The following PIP5K1C variants were observed in gnomAD, a reference collection of about 807,000 sequenced individuals.
PIP5K1C encodes the protein phosphatidylinositol-4-phosphate 5-kinase type 1 gamma.
PIP5K1C carries 45 observed loss-of-function variants against 80.1 expected under a neutral mutation model. The ratio of observed to expected loss-of-function variants is 0.56; its 90% CI spans 0.44 to 0.72. PIP5K1C has a LOEUF of 0.72. Ranked by LOEUF, PIP5K1C falls within the 30% of genes least tolerant of loss-of-function variation. The pLI, the probability that PIP5K1C is intolerant of heterozygous loss-of-function variation, is 0.00. For synonymous variants in PIP5K1C, 498 were observed against 420.1 expected (o/e 1.19, Z -2.27); for missense variants, 753 against 954.6 (o/e 0.79, Z 2.78).
In PIP5K1C at chr19:3,638,902, G is replaced by T; in HGVS notation, c.1902C>A (p.Pro634=). Residue 634 remains proline, a synonymous_variant, in exon 16 of 18, where the codon CCC becomes CCA. Transcript: ENST00000335312. ...ASQASDEEDA[P]ATDIYFPTDE... Reference sequence around the variant, plus strand: ...CACTTACAAAGTAGATGTCGGTGGCGGGCGCGTCCTCCTCGTCCGAGGCCT... The same window carrying T: ...CACTTACAAAGTAGATGTCGGTGGCTGGCGCGTCCTCCTCGTCCGAGGCCT... The T allele has an allele frequency of 6.2e-7, 1 of 1,612,898 alleles. No individual in the cohort carries two copies. The highest frequency in any genetic ancestry group is 1.3e-5 in the African/African-American group (1 of 74,982).
chr19:3,688,157 C>T lies in PIP5K1C; in HGVS notation c.94+12140G>A, dbSNP rs993762359. ...GAGGCTCCCGCAGCCAGGGTCTGCGCGTGGTCCCCACCTCCTTGCGCGCTC... is the reference window on the plus strand; with the variant it reads ...GAGGCTCCCGCAGCCAGGGTCTGCGTGTGGTCCCCACCTCCTTGCGCGCTC... On this transcript the variant is annotated intron_variant, in intron 1 of 17. Coordinates refer to ENST00000335312, the MANE Select transcript of PIP5K1C (RefSeq NM_012398.3). This position sits in a 1 kb window ranked among gnomAD's most constrained non-coding sequence, Gnocchi z 5.3. Among the ~76,000 whole-genome samples, 2 of 152,222 alleles carry T rather than the reference C, an allele frequency of 1.3e-5. No individual in the cohort carries two copies. Among genetic ancestry groups the T allele is most frequent in the African/African-American group, 2.4e-5 (1 of 41,462 alleles).
intron 10 of PIP5K1C, among the ~76,000 whole-genome samples, chr19:3,646,486 T>C (rs372570057): frequency 1.3e-5 from 2 of 151,832 alleles, no homozygotes; most frequent in African/African-American, 4.8e-5. Context: ...GTACCAGGAC[T>C]GTGAACGACT....
intron 1 of PIP5K1C, among the ~76,000 whole-genome samples, chr19:3,684,153 TA>T (rs2035680297): frequency 6.6e-6 from 1 of 151,988 alleles, no homozygotes; most frequent in South Asian, 2.1e-4. Flanking sequence ...TTCCTCAAAA[TA>T]AAGACGGAAC....
At chr19:3,646,080 T>C in intron 10 of PIP5K1C, 22 bp from the exon 11 acceptor site, 1 of 994,320 alleles carries the variant, frequency 1.0e-6, no homozygotes, top group Non-Finnish European at 1.5e-6. Context: ...TTGGGGGGGG[T>C]GCCCGGGGGC....
chr19:3,683,977 TCCC>T (rs953094144), intron 1 of PIP5K1C, among the ~76,000 whole-genome samples: 1 of 64,904 alleles, frequency 1.5e-5, no homozygotes, highest in Non-Finnish European at 2.9e-5. Flanking sequence ...GTCCCACACC[TCCC>T]CCATGTTGGA....
Position 3,643,211 on chromosome 19 carries a change from CCGCCCACATGCACTGCGGATGCCT to C in PIP5K1C, c.1649+8_1649+31del, listed in dbSNP as rs1459239970. On this transcript the variant is annotated splice_region_variant and intron_variant, in intron 13 of 17. Transcript: ENST00000335312. Reference sequence around the variant, plus strand: ...CCCGCCCCCACGCACAGCGGATGCCCCGCCCACATGCACTGCGGATGCCTCGCCCACCTGTACCGCGGCTGCTCC... The same window carrying C: ...CCCGCCCCCACGCACAGCGGATGCCCCGCCCACCTGTACCGCGGCTGCTCC... The C allele has an allele frequency of 2.5e-6, 4 of 1,610,572 alleles. No individual in the cohort carries two copies. Among genetic ancestry groups the C allele is most frequent in the Non-Finnish European group, 3.4e-6 (4 of 1,179,488 alleles).
chr19:3,671,728 T>A (rs2035211387), intron 1 of PIP5K1C, among the ~76,000 whole-genome samples: 2 of 152,208 alleles, frequency 1.3e-5, no homozygotes, highest in African/African-American at 4.8e-5. Context: ...AGCACAGCCT[T>A]GCTGCCACCG....
chr19:3,637,925 G>A lies in PIP5K1C; in HGVS notation c.1920+959C>T. On this transcript the variant is annotated intron_variant, in intron 16 of 17. Transcript: ENST00000335312. The surrounding 1 kb of genome is among the most constrained non-coding windows in gnomAD (Gnocchi z 7.0). ...GTCCCAGGAAAAGGGGTGACGACGT[G>A]CGGTGGGTAGGGGCACAGGCACGCG... is the stretch of plus-strand genomic sequence containing the variant. The A allele has an allele frequency of 2.6e-6, 4 of 1,535,300 alleles. No individual in the cohort carries two copies. The highest frequency in any genetic ancestry group is 3.5e-6 in the Non-Finnish European group (4 of 1,146,708).
At position 3,639,036 on chromosome 19, in the gene PIP5K1C, G is replaced by A. The variant is rs900000119; in HGVS notation, c.1788-20C>T. 10 of 1,608,010 alleles carry A rather than the reference G, an allele frequency of 6.2e-6. No individual in the cohort carries two copies. In the African/African-American group the frequency reaches 1.2e-4, roughly 19 times the overall value. ...TCCACCCTGGGGACAGGAGTAGACA[G>A]AGGGTCTTGACCCTCAGGCCCCACA... On this transcript the variant is annotated intron_variant, in intron 15 of 17. Coordinates refer to ENST00000335312, the MANE Select transcript of PIP5K1C (RefSeq NM_012398.3).
In PIP5K1C at chr19:3,630,294, T is replaced by C. The variant is rs545753672; in HGVS notation, c.*2873A>G. 2 of 152,236 alleles carry C rather than the reference T, an allele frequency of 1.3e-5. No individual in the cohort carries two copies. Among genetic ancestry groups the C allele is most frequent in the African/African-American group, 4.8e-5 (2 of 41,374 alleles). 9.4% of individuals were successfully genotyped at this position (152,236 alleles called of 1,614,324 possible). ...GTGTTTGGGGCCAGGAGTGGCTGTATGGTTTCAGAGGCGCCCACCACTCTG... is the reference window on the plus strand; with the variant it reads ...GTGTTTGGGGCCAGGAGTGGCTGTACGGTTTCAGAGGCGCCCACCACTCTG... On this transcript the variant is annotated 3_prime_UTR_variant, in exon 18 of 18. Transcript: ENST00000335312.
rs1236607150 is a variant in PIP5K1C at position 3,644,258 on chromosome 19, G to A, written c.1346-7C>T. Reference sequence around the variant, plus strand: ...GAGGGCGAGGACTTCAGGGCTGCAGGGAAGGGTGGGGGTTGGTGCTTGGGG... The same window carrying A: ...GAGGGCGAGGACTTCAGGGCTGCAGAGAAGGGTGGGGGTTGGTGCTTGGGG... On this transcript the variant is annotated splice_polypyrimidine_tract_variant and splice_region_variant and intron_variant, in intron 11 of 17. Coordinates refer to ENST00000335312, the MANE Select transcript of PIP5K1C (RefSeq NM_012398.3). The A allele has an allele frequency of 3.1e-6, 5 of 1,611,168 alleles. No homozygotes were observed. Among genetic ancestry groups the A allele is most frequent in the Non-Finnish European group, 3.4e-6 (4 of 1,179,284 alleles).
intron 8 of PIP5K1C, among the ~76,000 whole-genome samples, chr19:3,650,549 G>A (rs1285189199): frequency 2.6e-5 from 4 of 152,220 alleles, no homozygotes; most frequent in Non-Finnish European, 4.4e-5. Context: ...ACCCTGCAGT[G>A]CCCAGGACAG....
chr19:3,697,504 G>GGA (rs1333929085), intron 1 of PIP5K1C, among the ~76,000 whole-genome samples: 4 of 150,878 alleles, frequency 2.7e-5, no homozygotes, highest in Non-Finnish European at 5.9e-5. Context: ...AGCTGGACCA[G>GGA]GGAGGACCAA....
At chr19:3,650,612 TGTGA>T (rs2034402948) in intron 8 of PIP5K1C, among the ~76,000 whole-genome samples, 2 of 152,200 alleles carry the variant, frequency 1.3e-5, no homozygotes, top group Admixed American at 1.3e-4. Context: ...AGGAGAGCTC[TGTGA>T]GTATCTCCCC....
At chr19:3,681,400 T>C (rs1172949606) in intron 1 of PIP5K1C, among the ~76,000 whole-genome samples, 1 of 152,038 alleles carries the variant, frequency 6.6e-6, no homozygotes, top group Non-Finnish European at 1.5e-5. Flanking sequence ...CCTGGCTAAT[T>C]TTTGTATTTC....
intron 6 of PIP5K1C, among the ~76,000 whole-genome samples, chr19:3,655,551 CAT>C (rs1004931716): frequency 6.6e-6 from 1 of 152,270 alleles, no homozygotes. Flanking sequence ...CATCCATTCT[CAT>C]GTGGTCACAG....
At chr19:3,639,962 G>A (rs1014499708) in intron 15 of PIP5K1C, among the ~76,000 whole-genome samples, 3 of 152,192 alleles carry the variant, frequency 2.0e-5, no homozygotes, top group African/African-American at 7.2e-5. Flanking sequence ...CATGTCGGAG[G>A]TACAGTTCCT....
Position 3,637,005 on chromosome 19 carries a change from G to A in PIP5K1C, c.1920+1879C>T, listed in dbSNP as rs1157173529. 3.9e-6 allele frequency: 4 copies of A among 1,037,620 alleles called. No homozygotes were observed. Among genetic ancestry groups the A allele is most frequent in the African/African-American group, 1.7e-5 (1 of 57,764 alleles). The allele number at this position is 1,037,620 out of a possible 1,614,324, so 64.3% of individuals were successfully genotyped here. ...CCGTGTGGTCTCCCAGGCTCCCAGG[G>A]GAGCCGAGGCCTCAGCGCCTCCATC... On this transcript the variant is annotated intron_variant, in intron 16 of 17. Coordinates refer to ENST00000335312, the MANE Select transcript of PIP5K1C (RefSeq NM_012398.3). This position sits in a 1 kb window ranked among gnomAD's most constrained non-coding sequence, Gnocchi z 7.0.
intron 3 of PIP5K1C, among the ~76,000 whole-genome samples, chr19:3,664,587 T>C (rs530930034): frequency 1.3e-5 from 2 of 152,278 alleles, no homozygotes; most frequent in Admixed American, 1.3e-4. Context: ...GGGCAGGCGT[T>C]GCAGCCAGGC....
Sources: allele counts gnomAD v4.1 joint callset (sites outside exome capture counted in the v4.1 genomes callset), GRCh38; gene constraint gnomAD v4.1.1; non-coding constraint Gnocchi (gnomAD v3.1); transcripts MANE v1.5; gene names NCBI Gene and HGNC (gene_info 2026-07-23, HGNC 2026-07-21).